Variants in ABCA13 observed in about 807,000 individuals in gnomAD.
ABCA13 encodes the protein ATP binding cassette subfamily A member 13, also known as ATP-binding cassette sub-family A member 13.
ABCA13 carries 476 observed loss-of-function variants against 478.7 expected under a neutral mutation model. That is an observed-to-expected ratio of 0.99 (90% CI 0.92 to 1.07). The LOEUF (loss-of-function observed/expected upper bound fraction) is 1.07, where lower values mean the gene tolerates loss of function less well. Ranked by LOEUF, ABCA13 falls within the 50% of genes least tolerant of loss-of-function variation. The pLI is 0.00. For missense variants in ABCA13, 6,060 were observed against 5,910.6 expected (o/e 1.03, Z -0.83); for synonymous variants, 2,252 against 2,158.9 (o/e 1.04, Z -1.20).
chr7:48,326,970 G>C lies in ABCA13; in HGVS notation c.10000-8452G>C, dbSNP rs193105737. 1.3e-4 allele frequency among the ~76,000 whole-genome samples: 20 copies of C among 152,308 alleles called. No homozygotes were observed. In the East Asian group the frequency reaches 3.9e-3, roughly 29 times the overall value. On this transcript the variant is annotated intron_variant, in intron 27 of 61. Coordinates refer to ENST00000435803, the MANE Select transcript of ABCA13 (RefSeq NM_152701.5). ...GGATCTGGAGCAACAGAGCAGGACA[G>C]ATAGAGAGTTTTACATTTGCTCATA...
chr7:48,356,387 CT>C (rs56950269), intron 31 of ABCA13, among the ~76,000 whole-genome samples: 1,898 of 137,996 alleles, frequency 0.014, 29 homozygotes, highest in African/African-American at 0.033. Flanking sequence ...TGGAAGAAGT[CT>C]TTTTTTTTTT....
At chr7:48,296,446 A>G (rs11764296) in intron 21 of ABCA13, among the ~76,000 whole-genome samples, 8,175 of 150,384 alleles carry the variant, frequency 0.054, 336 homozygotes, top group Admixed American at 0.12. Context: ...AACAGCAAAT[A>G]TTTTTCTTTT....
chr7:48,467,214 C>A lies in ABCA13; in HGVS notation c.12905+169C>A, dbSNP rs571610592. On this transcript the variant is annotated intron_variant, in intron 44 of 61. Transcript: ENST00000435803. ...ATTACTGAATGGGCCTTATGGGTATCACCATATAAAATGATCCGAAATAAG... is the reference window on the plus strand; with the variant it reads ...ATTACTGAATGGGCCTTATGGGTATAACCATATAAAATGATCCGAAATAAG... 1.6e-4 allele frequency among the ~76,000 whole-genome samples: 24 copies of A among 152,250 alleles called. 1 individual carries two copies. The highest frequency in any genetic ancestry group is 2.8e-4 in the Non-Finnish European group (19 of 68,008).
intron 1 of ABCA13, among the ~76,000 whole-genome samples, chr7:48,192,083 A>G (rs1002958526): frequency 2.0e-5 from 3 of 152,218 alleles, no homozygotes; most frequent in Non-Finnish European, 4.4e-5. Context: ...AATTCAATAC[A>G]AGATTATCCA....
At chr7:48,534,809 T>G (rs779661579) in intron 55 of ABCA13, among the ~76,000 whole-genome samples, 2 of 152,202 alleles carry the variant, frequency 1.3e-5, no homozygotes. Flanking sequence ...GCTGAGACTT[T>G]CCAGTGCGTG....
At chr7:48,204,667 C>T (rs980292439) in intron 3 of ABCA13, among the ~76,000 whole-genome samples, 4 of 152,166 alleles carry the variant, frequency 2.6e-5, no homozygotes, top group African/African-American at 9.7e-5. Flanking sequence ...CACCTTCCAC[C>T]GCATGGTCGG....
At chr7:48,423,035 C>G (rs1392768595) in intron 41 of ABCA13, among the ~76,000 whole-genome samples, 1 of 152,218 alleles carries the variant, frequency 6.6e-6, no homozygotes, top group Non-Finnish European at 1.5e-5. Flanking sequence ...ATACTAAATA[C>G]ATTGTCTTAA....
intron 20 of ABCA13, among the ~76,000 whole-genome samples, chr7:48,291,636 T>G (rs753717122): frequency 3.9e-5 from 6 of 152,006 alleles, no homozygotes; most frequent in Non-Finnish European, 7.4e-5. Context: ...GCACTCCAGC[T>G]CCCCCTGTGG....
intron 42 of ABCA13, among the ~76,000 whole-genome samples, chr7:48,446,386 TTAAAAA>T (rs746366157): frequency 1.0e-5 from 1 of 95,472 alleles, no homozygotes. Context: ...GTCATGCCCT[TTAAAAA>T]AAAAAAAAAA....
At chr7:48,644,870 T>A in intron 61 of ABCA13, 116 bp downstream of exon 61, 1 of 1,138,214 alleles carries the variant, frequency 8.8e-7, no homozygotes. Context: ...CAATTCATCT[T>A]GTTAAATTTT....
chr7:48,555,512 A>T (rs1258385645), intron 55 of ABCA13, among the ~76,000 whole-genome samples: 1 of 151,788 alleles, frequency 6.6e-6, no homozygotes, highest in Non-Finnish European at 1.5e-5. Flanking sequence ...GTTACTTGTT[A>T]TTCACATGTT....
intron 32 of ABCA13, 134 bp downstream of exon 32, chr7:48,368,042 A>C: frequency 3.4e-6 from 2 of 581,038 alleles, no homozygotes; most frequent in Admixed American, 6.4e-5. Context: ...TGGTGTACAA[A>C]ATAGCTGAGT....
rs756695824 is a variant in ABCA13 at position 48,295,731 on chromosome 7, A to G, written c.8987A>G (p.Gln2996Arg). The change falls in exon 21 of 62, where the codon CAG becomes CGG. Residue 2996 changes from glutamine to arginine, a missense_variant. Gln to Arg is a conservative substitution (Grantham distance 43). This residue lies in a region of ABCA13 where 4,423 missense variants were observed against 4,309.1 expected (regional missense o/e 1.03). Transcript: ENST00000435803. ...GAAAAGATATGGTCCTCGCCGAATCAGCTAAATTGTGAAAGTCTTAGCAAG... is the reference window on the plus strand; with the variant it reads ...GAAAAGATATGGTCCTCGCCGAATCGGCTAAATTGTGAAAGTCTTAGCAAG... ...EIEKIWSSPN[Q>R]LNCESLSKNL... The G allele has an allele frequency of 8.1e-6, 13 of 1,614,080 alleles. No homozygotes were observed. The South Asian group carries it at 1.3e-4, about 16-fold the overall frequency.
At chr7:48,351,161 T>G (rs1808916887) in intron 30 of ABCA13, among the ~76,000 whole-genome samples, 1 of 152,236 alleles carries the variant, frequency 6.6e-6, no homozygotes, top group South Asian at 2.1e-4. Flanking sequence ...CCGATTAAAG[T>G]TATACTCTAA....
At chr7:48,259,943 T>A (rs1000439619) in intron 15 of ABCA13, among the ~76,000 whole-genome samples, 1 of 152,072 alleles carries the variant, frequency 6.6e-6, no homozygotes, top group African/African-American at 2.4e-5. Context: ...TCTTATAGTG[T>A]GTTTTTCAGC....
chr7:48,224,704 C>T (rs1461311799), intron 5 of ABCA13, among the ~76,000 whole-genome samples: 5 of 152,184 alleles, frequency 3.3e-5, no homozygotes, highest in South Asian at 2.1e-4. Flanking sequence ...TGCACCTCCA[C>T]GAACGTCCCT....
At chr7:48,480,344 T>A (rs377681549) in intron 45 of ABCA13, among the ~76,000 whole-genome samples, 1 of 152,226 alleles carries the variant, frequency 6.6e-6, no homozygotes, top group East Asian at 1.9e-4. Flanking sequence ...TGGCTTTCTG[T>A]GCAGCAAGAC....
intron 3 of ABCA13, among the ~76,000 whole-genome samples, chr7:48,199,217 C>T (rs975316332): frequency 6.6e-6 from 1 of 152,120 alleles, no homozygotes; most frequent in African/African-American, 2.4e-5. Context: ...AGATAATTTT[C>T]GGCATATCAG....
At chr7:48,291,092 T>C (rs1449815538) in intron 20 of ABCA13, among the ~76,000 whole-genome samples, 1 of 152,156 alleles carries the variant, frequency 6.6e-6, no homozygotes, top group African/African-American at 2.4e-5. Flanking sequence ...CAGATGCTCT[T>C]CCTGAGTTTG....
Sources: allele counts gnomAD v4.1 joint callset (sites outside exome capture counted in the v4.1 genomes callset), GRCh38; gene constraint gnomAD v4.1.1; regional missense constraint gnomAD v4.1.1; transcripts MANE v1.5; gene names NCBI Gene and HGNC (gene_info 2026-07-23, HGNC 2026-07-21).